Variants in PRDM5 observed in about 807,000 individuals in gnomAD.
The protein encoded by PRDM5 is PR domain zinc finger protein 5.
In PRDM5, 56 loss-of-function variants were observed where a neutral mutation model predicts 81.2. That is an observed-to-expected ratio of 0.69 (90% CI 0.56 to 0.86). The LOEUF is 0.86. Among genes scored for constraint, PRDM5 ranks in the 40% least tolerant of loss-of-function variants. PRDM5 has a pLI of 0.00. For synonymous variants in PRDM5, 267 were observed against 256.4 expected, an observed-to-expected ratio of 1.04 and a Z score of -0.39; for missense variants, 697 against 770.1, an observed-to-expected ratio of 0.91 and a Z score of 1.12.
intron 13 of PRDM5, 125 bp from the exon 14 acceptor site, chr4:120,754,763 T>A (rs1219343600): frequency 4.1e-6 from 3 of 736,398 alleles, no homozygotes; most frequent in African/African-American, 3.5e-5. Context: ...AAGAAGTGGC[T>A]CCAGGCACAG....
chr4:120,870,184 T>A (rs1301323433), intron 2 of PRDM5, among the ~76,000 whole-genome samples: 1 of 151,920 alleles, frequency 6.6e-6, no homozygotes, highest in South Asian at 2.1e-4. Flanking sequence ...GGCCTGCTGG[T>A]CTCAAACTCT....
intron 2 of PRDM5, among the ~76,000 whole-genome samples, chr4:120,903,387 C>G (rs1224545623): frequency 6.6e-6 from 1 of 152,110 alleles, no homozygotes; most frequent in African/African-American, 2.4e-5. Flanking sequence ...CCTAGCACCT[C>G]CAAAGCTAAA....
At chr4:120,737,382 A>T (rs1324123176) in intron 14 of PRDM5, among the ~76,000 whole-genome samples, 3 of 152,198 alleles carry the variant, frequency 2.0e-5, no homozygotes, top group African/African-American at 7.2e-5. Flanking sequence ...ACTGAAGAAG[A>T]CAACCACAGC....
intron 1 of PRDM5, among the ~76,000 whole-genome samples, chr4:120,921,682 G>A (rs1312739115): frequency 2.0e-5 from 3 of 152,162 alleles, no homozygotes. Context: ...ACTCTAACAA[G>A]TTATAATATT....
Position 120,885,824 on chromosome 4 carries a change from C to T in PRDM5, c.177+21650G>A, listed in dbSNP as rs1763380337. 2 of 151,662 alleles carry T rather than the reference C, an allele frequency of 1.3e-5. 1 individual carries two copies. The highest frequency in any genetic ancestry group is 4.2e-4 in the South Asian group (2 of 4,804). 9.4% of individuals were successfully genotyped at this position (151,662 alleles called of 1,614,324 possible). On this transcript the variant is annotated intron_variant, in intron 2 of 15. Transcript: ENST00000264808. ...AAAAAAAAAAAAAATTCCTCCAGTTCTATAAGTTGTGATCAGAACCACAAA... is the reference window on the plus strand; with the variant it reads ...AAAAAAAAAAAAAATTCCTCCAGTTTTATAAGTTGTGATCAGAACCACAAA...
rs565726144 is a variant in PRDM5 at position 120,922,402 on chromosome 4, C to T, written c.93+114G>A. 293 of 1,157,806 alleles carry T rather than the reference C, an allele frequency of 2.5e-4. 2 individuals are homozygous for T. The African/African-American group carries it at 4.5e-3, about 18-fold the overall frequency. 71.7% of individuals were successfully genotyped at this position (1,157,806 alleles called of 1,614,324 possible). A position where few individuals can be genotyped will look rare whatever the true frequency, so the allele number is the denominator to read the frequency against. On this transcript the variant is annotated intron_variant, in intron 1 of 15. Transcript: ENST00000264808. ...CCACGGACGCCTGGCCCGGCCCGGGCGAGGGGCGACCGGGGTGAAGCCCGC... is the reference window on the plus strand; with the variant it reads ...CCACGGACGCCTGGCCCGGCCCGGGTGAGGGGCGACCGGGGTGAAGCCCGC...
intron 1 of PRDM5, among the ~76,000 whole-genome samples, chr4:120,909,841 C>G (rs368896074): frequency 1.2e-4 from 1 of 8,092 alleles, no homozygotes; most frequent in Non-Finnish European, 3.8e-4. Context: ...AGAACAATCA[C>G]TCTCTATCAT....
chr4:120,821,420 T>A, intron 3 of PRDM5, 75 bp from the exon 4 acceptor site: 1 of 1,364,496 alleles, frequency 7.3e-7, no homozygotes, highest in South Asian at 1.2e-5. Flanking sequence ...TTAAGATACA[T>A]TAATGGAGTA....
Position 120,890,650 on chromosome 4 carries a change from T to G in PRDM5, c.177+16824A>C, listed in dbSNP as rs970281836. Among the ~76,000 whole-genome samples, 33 of 152,250 alleles carry G rather than the reference T, an allele frequency of 2.2e-4. 1 individual carries two copies. The highest frequency in any genetic ancestry group is 1.3e-4 in the Admixed American group (2 of 15,290). On this transcript the variant is annotated intron_variant, in intron 2 of 15. Coordinates refer to ENST00000264808, the MANE Select transcript of PRDM5 (RefSeq NM_018699.4). ...CATGTTTTTGTTTTTGTTTACTTTT[T>G]AGTAATAGCCATTCTGACTGGTGTG... is the stretch of plus-strand genomic sequence containing the variant.
At chr4:120,767,340 T>C (rs1029072988) in intron 13 of PRDM5, among the ~76,000 whole-genome samples, 1 of 152,190 alleles carries the variant, frequency 6.6e-6, no homozygotes, top group Non-Finnish European at 1.5e-5. Flanking sequence ...GTCACTGTAC[T>C]GGACAGGAAA....
intron 11 of PRDM5, among the ~76,000 whole-genome samples, chr4:120,784,360 C>A (rs939195683): frequency 1.9e-4 from 29 of 152,012 alleles, no homozygotes; most frequent in African/African-American, 6.8e-4. Flanking sequence ...AAGTAGGAAA[C>A]GCACCTCATG....
At position 120,798,331 on chromosome 4, in the gene PRDM5, G is replaced by GCAAAC; in HGVS notation, c.1123_1124insGTTTG (p.Pro375ArgfsTer52). 6.2e-7 allele frequency: 1 copy of GCAAAC among 1,612,694 alleles called. No homozygotes were observed. Among genetic ancestry groups the GCAAAC allele is most frequent in the East Asian group, 2.2e-5 (1 of 44,812 alleles). On this transcript the variant is annotated frameshift_variant, in exon 10 of 16. Coordinates refer to ENST00000264808, the MANE Select transcript of PRDM5 (RefSeq NM_018699.4). LOFTEE classifies it high-confidence loss of function. Reference sequence around the variant, plus strand: ...CTTTCCACAAAGTTTGCATTTGTAAGGTTTGTCTTCGCTGTGTATTACTTT... The same window carrying GCAAAC: ...CTTTCCACAAAGTTTGCATTTGTAAGCAAACGTTTGTCTTCGCTGTGTATTACTTT...
At chr4:120,900,839 GT>G (rs1287578729) in intron 2 of PRDM5, among the ~76,000 whole-genome samples, 4 of 152,148 alleles carry the variant, frequency 2.6e-5, no homozygotes, top group African/African-American at 9.6e-5. Flanking sequence ...AAAAAAGTTT[GT>G]TTCACACAAC....
chr4:120,747,233 A>G (rs987430760), intron 14 of PRDM5, among the ~76,000 whole-genome samples: 2 of 144,810 alleles, frequency 1.4e-5, no homozygotes, highest in African/African-American at 5.1e-5. Flanking sequence ...GAATTGAACA[A>G]TGAGATCACA....
intron 1 of PRDM5, among the ~76,000 whole-genome samples, chr4:120,686,769 T>C (rs907323158): frequency 2.6e-5 from 4 of 152,062 alleles, no homozygotes; most frequent in Non-Finnish European, 5.9e-5. Flanking sequence ...CTTACTTTTC[T>C]GACTTAGCTA....
chr4:120,840,962 AGC>A (rs1757963149), intron 3 of PRDM5, among the ~76,000 whole-genome samples: 1 of 152,228 alleles, frequency 6.6e-6, no homozygotes, highest in Non-Finnish European at 1.5e-5. Flanking sequence ...CCAGCTGTGC[AGC>A]CAGGTATGGG....
At position 120,798,341 on chromosome 4, in the gene PRDM5, C is replaced by T. The variant is rs369580755; in HGVS notation, c.1114G>A (p.Glu372Lys). Residue 372 changes from glutamate (E) to lysine (K), a missense_variant, in exon 10 of 16, where the codon GAA becomes AAA. Transcript: ENST00000264808. ...QVGAHKVIHS[E>K]DKPYKCKLCG... is the part of the protein sequence containing the mutation. ...AGTTTGCATTTGTAAGGTTTGTCTT[C>T]GCTGTGTATTACTTTGTGAGCACCC... The T allele has an allele frequency of 2.7e-4, 436 of 1,612,974 alleles. No homozygotes were observed. The highest frequency in any genetic ancestry group is 3.6e-4 in the Non-Finnish European group (422 of 1,179,468).
intron 13 of PRDM5, among the ~76,000 whole-genome samples, chr4:120,773,354 A>T (rs1352276502): frequency 6.6e-6 from 1 of 152,202 alleles, no homozygotes; most frequent in African/African-American, 2.4e-5. Context: ...AAAATTTAGA[A>T]TGCTCCCAAG....
In PRDM5 at chr4:120,720,140, T is replaced by C. The variant is rs375723180; in HGVS notation, c.1624-9727A>G. Among the ~76,000 whole-genome samples the C allele has an allele frequency of 6.6e-5, 10 of 152,290 alleles. No homozygotes were observed. In the East Asian group the frequency reaches 9.7e-4, roughly 15 times the overall value. On this transcript the variant is annotated intron_variant, in intron 14 of 15. Transcript: ENST00000264808. The stretch of plus-strand genomic sequence containing the variant: ...CATGTGTCTGGAGTAAAGGGCTTCT[T>C]GTACTCTTATATGATAGGGTATGTG...
Sources: allele counts gnomAD v4.1 joint callset (sites outside exome capture counted in the v4.1 genomes callset), GRCh38; gene constraint gnomAD v4.1.1; transcripts MANE v1.5; gene names NCBI Gene and HGNC (gene_info 2026-07-23, HGNC 2026-07-21).